The following CTSH variants were observed in gnomAD, a reference collection of about 807,000 sequenced individuals.
CTSH encodes the protein pro-cathepsin H.
In CTSH, 52 loss-of-function variants were observed where a neutral mutation model predicts 56.3. The observed-to-expected ratio is 0.92, with a 90% CI of 0.74 to 1.16. The LOEUF is 1.16. Among genes scored for constraint, CTSH ranks in the 50% most tolerant of loss-of-function variants. The pLI, the probability that CTSH is intolerant of heterozygous loss-of-function variation, is 0.00. For missense variants in CTSH, 406 were observed against 424.5 expected (o/e 0.96, Z 0.38); for synonymous variants, 174 against 155.7 (o/e 1.12, Z -0.88).
Position 78,927,746 on chromosome 15 carries a change from G to A in CTSH, c.666C>T (p.Ile222=), listed in dbSNP as rs374400736. 11 of 1,614,024 alleles carry A rather than the reference G, an allele frequency of 6.8e-6. No individual in the cohort carries two copies. The highest frequency in any genetic ancestry group is 1.1e-5 in the South Asian group (1 of 91,086). The change falls in exon 9 of 12, where the codon ATC becomes ATT. Residue 222 remains isoleucine, a synonymous_variant. Transcript: ENST00000220166. ...GYCKFQPGKA[I]GFVKDVANIT... ...TGTTGGCTACATCCTTGACAAAGCCGATGGCCTTTCCAGGTTGGAACTTGC... is the reference window on the plus strand; with the variant it reads ...TGTTGGCTACATCCTTGACAAAGCCAATGGCCTTTCCAGGTTGGAACTTGC...
chr15:78,931,724 G>A (rs1170998414), intron 6 of CTSH: 11 of 1,437,086 alleles, frequency 7.7e-6, no homozygotes, highest in African/African-American at 1.4e-5. Flanking sequence ...CAGTAAGCAG[G>A]GGCAGCCAGG....
At chr15:78,937,483 A>C (rs1411465005) in intron 2 of CTSH, 60 bp from the exon 3 acceptor site, 1 of 1,485,016 alleles carries the variant, frequency 6.7e-7, no homozygotes, top group Non-Finnish European at 9.2e-7. Context: ...CTAGAGGGAG[A>C]CCTTTTTGTT....
chr15:78,936,984 G>A, intron 3 of CTSH: 1 of 267,988 alleles, frequency 3.7e-6, no homozygotes, highest in South Asian at 4.7e-5. Flanking sequence ...CCCAGGGGCT[G>A]CTCTGAGCCC....
chr15:78,924,099 G>T (rs76098042), intron 10 of CTSH, among the ~76,000 whole-genome samples: 9 of 90,114 alleles, frequency 1.0e-4, no homozygotes, highest in East Asian at 1.9e-3. Flanking sequence ...AACCCAGCGG[G>T]GGGGGGGGGG....
chr15:78,940,948 A>C (rs758657401), intron 1 of CTSH, among the ~76,000 whole-genome samples: 3 of 151,922 alleles, frequency 2.0e-5, no homozygotes, highest in Non-Finnish European at 4.4e-5. Flanking sequence ...GACAAGAGCG[A>C]AACTCCATCT....
chr15:78,927,188 T>G (rs1031799188), intron 9 of CTSH: 5 of 153,906 alleles, frequency 3.2e-5, no homozygotes, highest in African/African-American at 1.2e-4. Context: ...GGGCATCATT[T>G]ACCACCTTCT....
At chr15:78,925,826 A>G (rs2054892168) in intron 9 of CTSH, 1 of 181,498 alleles carries the variant, frequency 5.5e-6, no homozygotes, top group South Asian at 1.3e-4. Context: ...ATGGACGGGT[A>G]GGTCCCAGAT....
At chr15:78,939,028 A>T in intron 2 of CTSH, 112 bp downstream of exon 2, 2 of 980,660 alleles carry the variant, frequency 2.0e-6, no homozygotes, top group Non-Finnish European at 3.2e-6. Flanking sequence ...AGACCCCACT[A>T]GGCAAAGTTG....
At chr15:78,929,389 A>G in intron 8 of CTSH, 23 bp downstream of exon 8, 4 of 1,588,590 alleles carry the variant, frequency 2.5e-6, no homozygotes, top group Non-Finnish European at 3.5e-6. Context: ...CCAAGAAGAC[A>G]GAGTGGAGGC....
intron 1 of CTSH, among the ~76,000 whole-genome samples, chr15:78,942,550 T>G (rs2055318263): frequency 6.6e-6 from 1 of 152,198 alleles, no homozygotes; most frequent in Non-Finnish European, 1.5e-5. Flanking sequence ...TCAGTTGATA[T>G]CCCCATGAAG....
intron 1 of CTSH, among the ~76,000 whole-genome samples, 185 bp from the exon 2 acceptor site, chr15:78,939,356 A>G (rs1347020982): frequency 1.3e-5 from 2 of 152,224 alleles, no homozygotes; most frequent in Non-Finnish European, 2.9e-5. Context: ...TTGTACCCCA[A>G]ATTAATGTGA....
intron 1 of CTSH, among the ~76,000 whole-genome samples, chr15:78,942,894 C>G (rs542959240): frequency 6.6e-6 from 1 of 152,144 alleles, no homozygotes; most frequent in Non-Finnish European, 1.5e-5. Context: ...TTTTGGGTCT[C>G]GAACCTGTTC....
intron 8 of CTSH, 105 bp from the exon 9 acceptor site, chr15:78,927,886 C>A: frequency 1.1e-6 from 1 of 888,904 alleles, no homozygotes; most frequent in Non-Finnish European, 1.9e-6. Flanking sequence ...TGTGCCAGGG[C>A]CTGGGGGATG....
In CTSH at chr15:78,921,770, C is replaced by T. The variant is rs2054772014; in HGVS notation, c.*360G>A. 1 of 217,978 alleles carries T rather than the reference C, an allele frequency of 4.6e-6. No individual in the cohort carries two copies. The highest frequency in any genetic ancestry group is 2.3e-5 in the African/African-American group (1 of 43,228). The allele number at this position is 217,978 out of a possible 1,614,324, so 13.5% of individuals were successfully genotyped here. A position where few individuals can be genotyped will look rare whatever the true frequency, so the allele number is the denominator to read the frequency against. On this transcript the variant is annotated 3_prime_UTR_variant, in exon 12 of 12. Transcript: ENST00000220166. ...ATGGCCCAGGACCAGCATGCTCCAT[C>T]TGGGGAGGTGCTCACTCAATGTTTA...
rs193182329 is a variant in CTSH at position 78,927,664 on chromosome 15, C to T, written c.699+49G>A. On this transcript the variant is annotated intron_variant, in intron 9 of 11. Transcript: ENST00000220166. The stretch of plus-strand genomic sequence containing the variant: ...TGGCTATCCGACAGCATGAGAGAGG[C>T]CTCCTCATCAGGACACATTCCCCAT... The T allele has an allele frequency of 5.2e-6, 8 of 1,545,414 alleles. No homozygotes were observed. In the African/African-American group the frequency reaches 8.2e-5, roughly 16 times the overall value.
chr15:78,934,147 C>T (rs984342534), intron 5 of CTSH, among the ~76,000 whole-genome samples: 1 of 152,222 alleles, frequency 6.6e-6, no homozygotes, highest in African/African-American at 2.4e-5. Context: ...GCTAGTTAAA[C>T]ATCCAGCACT....
At chr15:78,924,096 C>CGGGGGGGGGGGG (rs71148579) in intron 10 of CTSH, among the ~76,000 whole-genome samples, 1 of 26,198 alleles carries the variant, frequency 3.8e-5, no homozygotes. Flanking sequence ...TCCAACCCAG[C>CGGGGGGGGGGGG]GGGGGGGGGG....
At chr15:78,935,979 G>A (rs1282403363) in intron 3 of CTSH, among the ~76,000 whole-genome samples, 2 of 152,032 alleles carry the variant, frequency 1.3e-5, no homozygotes, top group Non-Finnish European at 2.9e-5. Flanking sequence ...TGTCCGGGCC[G>A]TACTCCAGAG....
At chr15:78,922,912 CTG>C in intron 11 of CTSH, 79 bp downstream of exon 11, 1 of 1,507,860 alleles carries the variant, frequency 6.6e-7, no homozygotes, top group Non-Finnish European at 8.9e-7. Context: ...AGCCGTAACT[CTG>C]AGGTGGAAGT....
Sources: gnomAD v4.1 joint callset for allele counts (sites outside exome capture counted in the v4.1 genomes callset) on GRCh38, gnomAD v4.1.1 for gene constraint, MANE v1.5 for transcripts, NCBI Gene and HGNC (gene_info 2026-07-23, HGNC 2026-07-21) for gene names.